The following MAML3 variants were observed in gnomAD, a reference collection of about 807,000 sequenced individuals.
MAML3 encodes mastermind like transcriptional coactivator 3.
Under a neutral mutation model 101.9 loss-of-function variants are expected in MAML3, and 27 were observed. The observed-to-expected ratio is 0.27, with a 90% CI of 0.20 to 0.37. The LOEUF (loss-of-function observed/expected upper bound fraction) is 0.37. Ranked by LOEUF, MAML3 falls within the 10% of genes least tolerant of loss-of-function variation. The pLI is 1.00. For missense variants in MAML3, 1,316 were observed against 1,444.9 expected, an observed-to-expected ratio of 0.91 and a Z score of 1.45; for synonymous variants, 501 against 555.9, an observed-to-expected ratio of 0.90 and a Z score of 1.39.
rs547711720 is a variant in MAML3 at position 139,765,987 on chromosome 4, A to AAAAT, written c.2080-35324_2080-35321dup. Reference sequence around the variant, plus strand: ...GGGCAATACAGTGAGACCCTCTCTCAAAATAAATAAATAAATAAATAAAAA... The same window carrying AAAAT: ...GGGCAATACAGTGAGACCCTCTCTCAAAATAAATAAATAAATAAATAAATAAAAA... On this transcript the variant is annotated intron_variant, in intron 2 of 4. Transcript: ENST00000509479. Among the ~76,000 whole-genome samples, 349 of 152,176 alleles carry AAAAT rather than the reference A, an allele frequency of 2.3e-3. 2 individuals carry two copies. The highest frequency in any genetic ancestry group is 7.7e-3 in the African/African-American group (319 of 41,498).
chr4:139,988,463 C>CT (rs1734595191), intron 1 of MAML3, among the ~76,000 whole-genome samples: 1 of 152,112 alleles, frequency 6.6e-6, no homozygotes, highest in South Asian at 2.1e-4. Context: ...ACACTTAATC[C>CT]TTGAGGTGTA....
intron 1 of MAML3, among the ~76,000 whole-genome samples, chr4:139,976,244 T>G (rs930073578): frequency 2.0e-5 from 3 of 150,308 alleles, no homozygotes; most frequent in South Asian, 2.1e-4. Context: ...GTTCTTCTGG[T>G]TTTTTTTCTT....
chr4:140,141,578 A>AT (rs934587056), intron 1 of MAML3, among the ~76,000 whole-genome samples: 2 of 152,232 alleles, frequency 1.3e-5, no homozygotes, highest in African/African-American at 4.8e-5. Context: ...GAACCACAAA[A>AT]TTGTTCAAGG....
intron 2 of MAML3, among the ~76,000 whole-genome samples, chr4:139,772,109 A>G (rs1045161711): frequency 1.7e-4 from 26 of 151,134 alleles, no homozygotes; most frequent in East Asian, 4.0e-4. Context: ...GCGCGGTGGC[A>G]GGTGCCTGTA....
At chr4:140,066,439 A>G (rs183685401) in intron 1 of MAML3, among the ~76,000 whole-genome samples, 18 of 152,338 alleles carry the variant, frequency 1.2e-4, no homozygotes, top group Admixed American at 9.8e-4. Flanking sequence ...TGTTCTTGAC[A>G]GAGGTTTTAG....
chr4:140,134,435 C>T, intron 1 of MAML3: 1 of 456,086 alleles, frequency 2.2e-6, no homozygotes, highest in Non-Finnish European at 4.4e-6. Context: ...AATGCTACAG[C>T]AAGTGCATAT....
chr4:139,950,480 CT>C (rs1733813960), intron 1 of MAML3, among the ~76,000 whole-genome samples: 1 of 152,160 alleles, frequency 6.6e-6, no homozygotes, highest in Non-Finnish European at 1.5e-5. Context: ...CTAGAGGACT[CT>C]GATTAATACA....
chr4:139,990,780 A>G (rs1422156093), intron 1 of MAML3, among the ~76,000 whole-genome samples: 1 of 152,216 alleles, frequency 6.6e-6, no homozygotes, highest in Non-Finnish European at 1.5e-5. Flanking sequence ...GAGCCAAATT[A>G]TGAGTGAACT....
chr4:139,895,206 C>G (rs576969933), intron 1 of MAML3, among the ~76,000 whole-genome samples: 5 of 152,292 alleles, frequency 3.3e-5, no homozygotes, highest in African/African-American at 1.2e-4. Flanking sequence ...AGCACTGGCT[C>G]TGGAGTTAGA....
intron 2 of MAML3, among the ~76,000 whole-genome samples, chr4:139,777,547 G>C (rs932014): frequency 0.25 from 38,763 of 152,024 alleles, 5,099 homozygotes; most frequent in Non-Finnish European, 0.28. Flanking sequence ...ATTTATCTGA[G>C]ACATGGTTTC....
chr4:139,808,586 C>T (rs1730739542), intron 2 of MAML3, among the ~76,000 whole-genome samples: 1 of 152,180 alleles, frequency 6.6e-6, no homozygotes, highest in African/African-American at 2.4e-5. Flanking sequence ...AAGGAGGAAG[C>T]AGGTGACACA....
Position 140,065,546 on chromosome 4 carries a change from T to G in MAML3, c.468+87314A>C, listed in dbSNP as rs577654701. 2.0e-5 allele frequency among the ~76,000 whole-genome samples: 3 copies of G among 152,288 alleles called. No individual in the cohort carries two copies. The East Asian group carries it at 5.8e-4, about 29-fold the overall frequency. On this transcript the variant is annotated intron_variant, in intron 1 of 4. Coordinates refer to ENST00000509479, the MANE Select transcript of MAML3 (RefSeq NM_018717.5). The stretch of plus-strand genomic sequence containing the variant: ...TCAAGACCTTCTGGAATAAACTCGA[T>G]GCAGACAGTCTCTGCTGACCTTCAC...
intron 1 of MAML3, among the ~76,000 whole-genome samples, chr4:140,142,216 A>G (rs193268486): frequency 7.2e-5 from 11 of 152,338 alleles, no homozygotes; most frequent in Admixed American, 6.5e-4. Context: ...CCATTTATGT[A>G]GAAAAAATGA....
At chr4:139,803,508 G>C (rs1730646767) in intron 2 of MAML3, among the ~76,000 whole-genome samples, 1 of 152,208 alleles carries the variant, frequency 6.6e-6, no homozygotes, top group Non-Finnish European at 1.5e-5. Flanking sequence ...TGGGAGATGT[G>C]TAAGTTAATA....
At chr4:139,985,252 T>C (rs1416441614) in intron 1 of MAML3, among the ~76,000 whole-genome samples, 1 of 152,192 alleles carries the variant, frequency 6.6e-6, no homozygotes, top group Non-Finnish European at 1.5e-5. Context: ...AGTTGATCTT[T>C]CTTACAGGCA....
In MAML3 at chr4:139,952,722, G is replaced by T. The variant is rs1277671610; in HGVS notation, c.469-61755C>A. On this transcript the variant is annotated intron_variant, in intron 1 of 4. Coordinates refer to ENST00000509479, the MANE Select transcript of MAML3 (RefSeq NM_018717.5). ...TCCCACCTCCTCTTGCTCTAGAAGG[G>T]GATATATGACTTAGTTCTTGACAAA... Among the ~76,000 whole-genome samples the T allele has an allele frequency of 2.0e-5, 3 of 152,282 alleles. No individual in the cohort carries two copies. In the East Asian group the frequency reaches 5.8e-4, roughly 29 times the overall value.
At chr4:139,883,660 A>C (rs1046374219) in intron 2 of MAML3, among the ~76,000 whole-genome samples, 5 of 152,050 alleles carry the variant, frequency 3.3e-5, no homozygotes, top group African/African-American at 1.2e-4. Flanking sequence ...ATTTATGGAG[A>C]TAAATGAGAA....
At chr4:140,058,961 C>T (rs571615565) in intron 1 of MAML3, among the ~76,000 whole-genome samples, 4 of 152,294 alleles carry the variant, frequency 2.6e-5, no homozygotes, top group African/African-American at 4.8e-5. Context: ...CTATATAAAA[C>T]GCCGGTAATG....
chr4:140,126,254 G>T (rs948210318), intron 1 of MAML3, among the ~76,000 whole-genome samples: 2 of 151,260 alleles, frequency 1.3e-5, no homozygotes, highest in East Asian at 1.9e-4. Flanking sequence ...CTTGAAAGGG[G>T]CCCCTCTTAA....
Sources: gnomAD v4.1 joint callset for allele counts (sites outside exome capture counted in the v4.1 genomes callset) on GRCh38, gnomAD v4.1.1 for gene constraint, MANE v1.5 for transcripts, NCBI Gene and HGNC (gene_info 2026-07-23, HGNC 2026-07-21) for gene names.